Variants in GPM6A observed in about 807,000 individuals in gnomAD.
The protein encoded by GPM6A is neuronal membrane glycoprotein M6-a.
GPM6A carries 7 observed loss-of-function variants against 32.1 expected under a neutral mutation model. The observed-to-expected ratio is 0.22, with a 90% CI of 0.12 to 0.41. The LOEUF (loss-of-function observed/expected upper bound fraction) is 0.41. Ranked by LOEUF, GPM6A falls within the 10% of genes least tolerant of loss-of-function variation. GPM6A has a pLI of 1.00. For missense variants in GPM6A, 235 were observed against 347.2 expected (o/e 0.68, Z 2.57); for synonymous variants, 130 against 123.4 (o/e 1.05, Z -0.35).
At chr4:175,725,708 A>G (rs1247403920) in intron 1 of GPM6A, among the ~76,000 whole-genome samples, 2 of 152,192 alleles carry the variant, frequency 1.3e-5, no homozygotes, top group Non-Finnish European at 2.9e-5. Context: ...AAACGGTATC[A>G]ATGAGTACAG....
intron 1 of GPM6A, among the ~76,000 whole-genome samples, chr4:175,831,215 T>C (rs750120467): frequency 3.3e-5 from 5 of 151,978 alleles, no homozygotes; most frequent in Non-Finnish European, 7.4e-5. Flanking sequence ...ACTCACTGGA[T>C]AGAAAAAAAA....
intron 1 of GPM6A, among the ~76,000 whole-genome samples, chr4:175,972,989 A>G (rs1273223292): frequency 5.9e-5 from 9 of 152,204 alleles, no homozygotes; most frequent in Admixed American, 5.9e-4. Context: ...ACGATCATCT[A>G]TGTCCATTGA....
In GPM6A at chr4:175,929,831, G is replaced by A. The variant is rs949261291; in HGVS notation, c.-23+72478C>T. Among the ~76,000 whole-genome samples the A allele has an allele frequency of 3.9e-5, 6 of 152,186 alleles. No individual in the cohort carries two copies. The East Asian group carries it at 5.8e-4, about 15-fold the overall frequency. On this transcript the variant is annotated intron_variant, in intron 1 of 7. Coordinates refer to the GPM6A transcript ENST00000280187. ...TAAAGCATAATGTGATAAGCCCTTC[G>A]GAGATAGAAACACACAAAGAAGGAG...
chr4:175,978,740 A>G (rs992357506), intron 1 of GPM6A, among the ~76,000 whole-genome samples: 1 of 152,224 alleles, frequency 6.6e-6, no homozygotes, highest in African/African-American at 2.4e-5. Flanking sequence ...AAAAATACCA[A>G]TATCTGAGTT....
At chr4:175,699,835 C>A (rs995117108) in intron 2 of GPM6A, among the ~76,000 whole-genome samples, 1 of 152,200 alleles carries the variant, frequency 6.6e-6, no homozygotes, top group Non-Finnish European at 1.5e-5. Context: ...CACCCACCCC[C>A]CAAAACAGAG....
upstream of GPM6A, among the ~76,000 whole-genome samples, chr4:175,816,435 A>G (rs562726224): frequency 1.5e-3 from 233 of 152,318 alleles, 1 homozygote; most frequent in African/African-American, 5.3e-3. Context: ...ATTATATACA[A>G]TAAGTAAATA....
chr4:175,704,773 T>A (rs1275558738), intron 1 of GPM6A, among the ~76,000 whole-genome samples: 1 of 152,202 alleles, frequency 6.6e-6, no homozygotes, highest in Non-Finnish European at 1.5e-5. Flanking sequence ...ACCAGATAGA[T>A]GAACATGTTT....
chr4:175,873,675 T>C (rs1736990851), intron 1 of GPM6A, among the ~76,000 whole-genome samples: 1 of 152,170 alleles, frequency 6.6e-6, no homozygotes, highest in Non-Finnish European at 1.5e-5. Context: ...GTTCTCCCAT[T>C]ATTTTCAGGA....
chr4:175,982,004 TACTG>T (rs1207175379), intron 1 of GPM6A, among the ~76,000 whole-genome samples: 7 of 152,176 alleles, frequency 4.6e-5, no homozygotes, highest in African/African-American at 1.7e-4. Flanking sequence ...TGCATTTCTC[TACTG>T]ACTAATAATA....
At chr4:175,819,748 C>A (rs1434722777) in intron 1 of GPM6A, among the ~76,000 whole-genome samples, 3 of 152,080 alleles carry the variant, frequency 2.0e-5, no homozygotes, top group Non-Finnish European at 4.4e-5. Context: ...AGTAGTAGAC[C>A]CAAAGGCATT....
At chr4:175,976,373 A>C (rs1216270861) in intron 1 of GPM6A, among the ~76,000 whole-genome samples, 1 of 143,442 alleles carries the variant, frequency 7.0e-6, no homozygotes, top group African/African-American at 2.7e-5. Flanking sequence ...TCACCATGTT[A>C]GCCACGATGG....
chr4:175,647,385 G>A (rs751884144), intron 4 of GPM6A, among the ~76,000 whole-genome samples: 18 of 152,126 alleles, frequency 1.2e-4, no homozygotes, highest in Non-Finnish European at 1.6e-4. Flanking sequence ...GAGGATAACA[G>A]AAATCATAAT....
chr4:175,875,948 G>A (rs911578588), intron 1 of GPM6A, among the ~76,000 whole-genome samples: 1 of 152,068 alleles, frequency 6.6e-6, no homozygotes, highest in Non-Finnish European at 1.5e-5. Context: ...AAGCAAGCAA[G>A]AAGAAATCCA....
At chr4:175,813,940 T>C (rs535456288), upstream of GPM6A, among the ~76,000 whole-genome samples, 3 of 152,310 alleles carry the variant, frequency 2.0e-5, no homozygotes, top group Non-Finnish European at 2.9e-5. Flanking sequence ...CAATGTGTAT[T>C]CAAGGGTTTT....
intron 3 of GPM6A, among the ~76,000 whole-genome samples, chr4:175,660,152 C>T (rs979192158): frequency 6.6e-6 from 1 of 151,970 alleles, no homozygotes; most frequent in Non-Finnish European, 1.5e-5. Context: ...GTAATCCCAG[C>T]AATTTGGGAG....
At chr4:175,957,320 AC>A (rs1356141113) in intron 1 of GPM6A, among the ~76,000 whole-genome samples, 2 of 152,194 alleles carry the variant, frequency 1.3e-5, no homozygotes, top group African/African-American at 4.8e-5. Context: ...GCCATATACG[AC>A]AAGGGTACCT....
At chr4:175,637,705 T>TTA (rs1274312271) in intron 6 of GPM6A, among the ~76,000 whole-genome samples, 2 of 8,530 alleles carry the variant, frequency 2.3e-4, no homozygotes, top group Non-Finnish European at 1.1e-3. Flanking sequence ...ATATTATATA[T>TTA]TATATATATT....
chr4:175,726,209 C>T (rs1579431557), intron 1 of GPM6A, among the ~76,000 whole-genome samples: 1 of 151,814 alleles, frequency 6.6e-6, no homozygotes. Flanking sequence ...CCGTGTTGGC[C>T]AGAATGGTCT....
chr4:175,691,544 C>T (rs1744299426), intron 2 of GPM6A, among the ~76,000 whole-genome samples: 1 of 152,114 alleles, frequency 6.6e-6, no homozygotes, highest in South Asian at 2.1e-4. Context: ...TGAAAACTTC[C>T]TTTTAAATCA....
Sources: gnomAD v4.1 joint callset for allele counts (sites outside exome capture counted in the v4.1 genomes callset) on GRCh38, gnomAD v4.1.1 for gene constraint, MANE v1.5 for transcripts, NCBI Gene and HGNC (gene_info 2026-07-23, HGNC 2026-07-21) for gene names.